MYL11: variants seen among roughly 807,000 people sequenced by gnomAD.
The protein encoded by MYL11 is myosin light chain 11, also known as myosin regulatory light chain 11.
At chr16:30,376,934 C>T in the MYL11 span, among the ~76,000 whole-genome samples, 1 of 152,098 alleles carries the variant, frequency 6.6e-6, no homozygotes, top group Non-Finnish European at 1.5e-5. Context: ...GTGGGCTGGC[C>T]GGGCACAGTG....
chr16:30,376,771 T>A, the MYL11 span: 1 of 1,450,650 alleles, frequency 6.9e-7, no homozygotes, highest in Non-Finnish European at 9.5e-7. Flanking sequence ...ACAGCCTCCT[T>A]AAATTTCTAC....
the MYL11 span, chr16:30,376,032 G>A: frequency 6.7e-7 from 1 of 1,490,652 alleles, no homozygotes; most frequent in Non-Finnish European, 9.3e-7. Flanking sequence ...TCCCCTCTCT[G>A]CTTGGGGTGG....
At chr16:30,377,714 C>T in the MYL11 span, 1 of 1,579,456 alleles carries the variant, frequency 6.3e-7, no homozygotes, top group Non-Finnish European at 8.7e-7. Flanking sequence ...TGAGTGGGGA[C>T]CGGGGCGGGG....
At chr16:30,376,709 G>T in the MYL11 span, 1 of 1,612,136 alleles carries the variant, frequency 6.2e-7, no homozygotes, top group East Asian at 2.2e-5. Flanking sequence ...GTAAGCATCG[G>T]CTCCCCCACC....
the MYL11 span, chr16:30,376,315 C>T: frequency 9.0e-6 from 14 of 1,548,788 alleles, no homozygotes; most frequent in Non-Finnish European, 1.1e-5. Context: ...CCACCTTGGG[C>T]CTCAGTCTAC....
At chr16:30,375,636 C>T in the MYL11 span, among the ~76,000 whole-genome samples, 4 of 152,016 alleles carry the variant, frequency 2.6e-5, no homozygotes, top group South Asian at 2.1e-4. Context: ...GAGCCACAGA[C>T]GGGAATTTGG....
the MYL11 span, chr16:30,375,801 T>C: frequency 6.2e-7 from 1 of 1,610,780 alleles, no homozygotes; most frequent in Non-Finnish European, 8.5e-7. Flanking sequence ...GGCCCCTTTG[T>C]TCAACCCTCA....
the MYL11 span, chr16:30,374,665 G>A: frequency 5.1e-6 from 3 of 585,484 alleles, no homozygotes; most frequent in Non-Finnish European, 8.6e-6. Context: ...GCTGCTGCCA[G>A]CCCTCCAAGA....
At chr16:30,376,413 C>T in the MYL11 span, 18 of 1,609,736 alleles carry the variant, frequency 1.1e-5, no homozygotes, top group Non-Finnish European at 1.5e-5. Context: ...CTTCCCCCAA[C>T]CCCCTCCAGG....
At chr16:30,376,130 C>A in the MYL11 span, 4 of 1,612,486 alleles carry the variant, frequency 2.5e-6, no homozygotes, top group African/African-American at 4.0e-5. Context: ...CCCTCCCCAC[C>A]ACGGCCCTCC....
the MYL11 span, among the ~76,000 whole-genome samples, chr16:30,374,326 A>AAG: frequency 6.6e-6 from 1 of 151,626 alleles, no homozygotes; most frequent in African/African-American, 2.4e-5. Context: ...AAAAAAAAAA[A>AAG]AGGGAGACAG....
At chr16:30,373,174 C>T in the MYL11 span, among the ~76,000 whole-genome samples, 2 of 152,196 alleles carry the variant, frequency 1.3e-5, no homozygotes, top group Non-Finnish European at 2.9e-5. Context: ...CTTGGCTCGG[C>T]GCGGTGGCTC....
the MYL11 span, chr16:30,377,755 G>A: frequency 1.7e-4 from 277 of 1,602,236 alleles, no homozygotes; most frequent in African/African-American, 3.0e-3. Flanking sequence ...GGGCCGGGGA[G>A]ACTAAGGGCC....
the MYL11 span, among the ~76,000 whole-genome samples, chr16:30,372,121 T>C: frequency 6.6e-6 from 1 of 152,020 alleles, no homozygotes; most frequent in Non-Finnish European, 1.5e-5. Context: ...CTTCCTGAGC[T>C]CTCCTCCCAT....
chr16:30,370,990 A>G, the MYL11 span: 10 of 152,288 alleles, frequency 6.6e-5, no homozygotes, highest in African/African-American at 2.2e-4. Flanking sequence ...AGAATTCTTT[A>G]GGTCTCCCAA....
the MYL11 span, chr16:30,375,908 A>C: frequency 6.2e-7 from 1 of 1,613,992 alleles, no homozygotes; most frequent in Non-Finnish European, 8.5e-7. Context: ...CAGGAGTTCA[A>C]AGAGGTGGGT....
the MYL11 span, chr16:30,374,874 C>T: frequency 6.2e-7 from 1 of 1,613,376 alleles, no homozygotes; most frequent in Non-Finnish European, 8.5e-7. Context: ...AGTGAGAATC[C>T]TCCAACCCCT....
At chr16:30,376,763 AGC>A in the MYL11 span, 1 of 1,492,026 alleles carries the variant, frequency 6.7e-7, no homozygotes, top group Non-Finnish European at 9.2e-7. Context: ...CCACACTGAC[AGC>A]CTCCTTAAAT....
chr16:30,377,899 A>AG, the MYL11 span: 1 of 1,603,238 alleles, frequency 6.2e-7, no homozygotes, highest in Non-Finnish European at 8.5e-7. Flanking sequence ...GACCAGGAGT[A>AG]GGGGCACCCG....
Sources: allele counts gnomAD v4.1 joint callset (sites outside exome capture counted in the v4.1 genomes callset), GRCh38; gene constraint gnomAD v4.1.1; transcripts MANE v1.5; gene names NCBI Gene and HGNC (gene_info 2026-07-23, HGNC 2026-07-21).